Variants in CTNNA2 observed in about 807,000 individuals in gnomAD.
The protein encoded by CTNNA2 is catenin alpha 2.
CTNNA2 carries 42 observed loss-of-function variants against 101.0 expected under a neutral mutation model. The observed-to-expected ratio is 0.42, with a 90% CI of 0.32 to 0.54. CTNNA2 has a LOEUF of 0.54. CTNNA2 is among the 20% of genes least tolerant of loss of function. CTNNA2 has a pLI of 0.14. For missense variants in CTNNA2, 871 were observed against 1,223.1 expected (o/e 0.71, Z 4.29); for synonymous variants, 450 against 456.4 (o/e 0.99, Z 0.18).
intron 12 of CTNNA2, chr2:80,572,613 G>C (rs1573318491): frequency 6.6e-6 from 1 of 152,132 alleles, no homozygotes; most frequent in East Asian, 1.9e-4. Context: ...ATAATTTCAT[G>C]CTCACTATTG....
intron 2 of CTNNA2, among the ~76,000 whole-genome samples, chr2:79,279,816 A>G (rs1228019824): frequency 6.6e-6 from 1 of 152,062 alleles, no homozygotes; most frequent in African/African-American, 2.4e-5. Context: ...GAACCTTTCC[A>G]TTAGTCTAGG....
chr2:79,989,739 A>G (rs796692257), intron 7 of CTNNA2, among the ~76,000 whole-genome samples: 9 of 152,336 alleles, frequency 5.9e-5, no homozygotes, highest in African/African-American at 2.2e-4. Flanking sequence ...TGGCTTCCTT[A>G]TAAATTTCTT....
chr2:79,733,699 C>T (rs1372323881), intron 2 of CTNNA2, among the ~76,000 whole-genome samples: 1 of 152,052 alleles, frequency 6.6e-6, no homozygotes, highest in African/African-American at 2.4e-5. Context: ...TTACATGAAA[C>T]AGTAGTCAGG....
intron 5 of CTNNA2, among the ~76,000 whole-genome samples, chr2:79,870,833 T>G (rs1298964409): frequency 6.6e-6 from 1 of 152,096 alleles, no homozygotes; most frequent in African/African-American, 2.4e-5. Flanking sequence ...GAACCACCCC[T>G]ATGATCCAGT....
chr2:80,433,518 G>T (rs1681741950), intron 9 of CTNNA2, among the ~76,000 whole-genome samples: 1 of 152,032 alleles, frequency 6.6e-6, no homozygotes, highest in South Asian at 2.1e-4. Flanking sequence ...TCGCCGCAGG[G>T]TCAAAAGTTC....
chr2:79,442,109 A>G (rs886941348), intron 4 of CTNNA2, among the ~76,000 whole-genome samples: 4 of 152,112 alleles, frequency 2.6e-5, no homozygotes, highest in Non-Finnish European at 4.4e-5. Flanking sequence ...TTTGTTTATT[A>G]TCTATTTCCC....
At chr2:79,936,935 A>G (rs1687832097) in intron 7 of CTNNA2, among the ~76,000 whole-genome samples, 1 of 152,162 alleles carries the variant, frequency 6.6e-6, no homozygotes, top group South Asian at 2.1e-4. Flanking sequence ...GTAAGCCGCG[A>G]AAGAGCCACT....
intron 2 of CTNNA2, among the ~76,000 whole-genome samples, chr2:79,696,494 A>T (rs1573709962): frequency 1.3e-5 from 2 of 152,142 alleles, no homozygotes; most frequent in East Asian, 3.9e-4. Flanking sequence ...GTTGGCATGG[A>T]TGAAAAGGGG....
chr2:80,558,591 C>T (rs1693266346), intron 12 of CTNNA2, among the ~76,000 whole-genome samples: 1 of 152,034 alleles, frequency 6.6e-6, no homozygotes, highest in South Asian at 2.1e-4. Flanking sequence ...TGTGCATGTC[C>T]CTGATGCCAA....
chr2:79,648,133 A>G (rs1680953603), intron 1 of CTNNA2, among the ~76,000 whole-genome samples: 1 of 152,166 alleles, frequency 6.6e-6, no homozygotes, highest in African/African-American at 2.4e-5. Flanking sequence ...ATGCCTGTGC[A>G]TTTTCTCTGT....
intron 7 of CTNNA2, among the ~76,000 whole-genome samples, chr2:80,320,891 GT>G (rs1159003593): frequency 6.6e-6 from 1 of 152,120 alleles, no homozygotes; most frequent in Non-Finnish European, 1.5e-5. Context: ...AGTTGAATGA[GT>G]TTTAATGTGT....
At chr2:79,659,873 A>C (rs77533116) in intron 2 of CTNNA2, among the ~76,000 whole-genome samples, 1 of 151,962 alleles carries the variant, frequency 6.6e-6, no homozygotes. Flanking sequence ...GTGGTGGCAC[A>C]TGCCAGCTGC....
intron 7 of CTNNA2, among the ~76,000 whole-genome samples, chr2:80,033,439 G>A (rs185758395): frequency 1.2e-3 from 175 of 152,158 alleles, no homozygotes; most frequent in African/African-American, 4.1e-3. Context: ...CAGGCTTGGT[G>A]GCATGCACCT....
chr2:79,981,265 A>G (rs552410451), intron 7 of CTNNA2, among the ~76,000 whole-genome samples: 1 of 152,218 alleles, frequency 6.6e-6, no homozygotes, highest in East Asian at 1.9e-4. Context: ...TTTTAGACTA[A>G]GGGGAGATAA....
In CTNNA2 at chr2:80,214,051, G is replaced by A. The variant is rs572496669; in HGVS notation, c.1057-179160G>A. Among the ~76,000 whole-genome samples the A allele has an allele frequency of 2.9e-4, 44 of 152,096 alleles. No individual in the cohort carries two copies. The South Asian group carries it at 8.7e-3, about 30-fold the overall frequency. On this transcript the variant is annotated intron_variant, in intron 7 of 18. Coordinates refer to ENST00000402739, the MANE Select transcript of CTNNA2 (RefSeq NM_001282597.3). ...AGGATTGCAACCCCTGCTTGTTTTTGTTTTCCATTTGCTTGCTAGATCTTC... is the reference window on the plus strand; with the variant it reads ...AGGATTGCAACCCCTGCTTGTTTTTATTTTCCATTTGCTTGCTAGATCTTC...
intron 7 of CTNNA2, among the ~76,000 whole-genome samples, chr2:80,167,523 G>T (rs2148956278): frequency 6.6e-6 from 1 of 152,236 alleles, no homozygotes; most frequent in South Asian, 2.1e-4. Flanking sequence ...ATACATTCTT[G>T]GGCAATTTGA....
At chr2:79,352,893 C>A (rs1055122220) in intron 3 of CTNNA2, among the ~76,000 whole-genome samples, 1 of 152,140 alleles carries the variant, frequency 6.6e-6, no homozygotes, top group African/African-American at 2.4e-5. Flanking sequence ...AGAAAACTTA[C>A]AATCATGGCG....
chr2:79,748,929 G>T (rs909368527), intron 3 of CTNNA2, among the ~76,000 whole-genome samples: 1 of 152,034 alleles, frequency 6.6e-6, no homozygotes, highest in Non-Finnish European at 1.5e-5. Flanking sequence ...GGATCACGGG[G>T]CCAAAGAAGA....
At chr2:80,228,550 A>G (rs1709021494) in intron 7 of CTNNA2, among the ~76,000 whole-genome samples, 1 of 152,128 alleles carries the variant, frequency 6.6e-6, no homozygotes, top group Non-Finnish European at 1.5e-5. Context: ...ATCGTATCTC[A>G]TAAGATTATA....
Sources: allele counts gnomAD v4.1 joint callset (sites outside exome capture counted in the v4.1 genomes callset), GRCh38; gene constraint gnomAD v4.1.1; transcripts MANE v1.5; gene names NCBI Gene and HGNC (gene_info 2026-07-23, HGNC 2026-07-21).